Variants in ANK3 observed in about 807,000 individuals in gnomAD.
ANK3 encodes ankyrin 3, also known as ankyrin-3.
Under a neutral mutation model 370.9 loss-of-function variants are expected in ANK3, and 57 were observed. The observed-to-expected ratio is 0.15, with a 90% CI of 0.12 to 0.19. The LOEUF is 0.19. Among genes scored for constraint, ANK3 ranks in the 10% least tolerant of loss-of-function variants. The pLI is 1.00. For missense variants in ANK3, 4,439 were observed against 5,302.1 expected (o/e 0.84, Z 5.06); for synonymous variants, 1,929 against 1,946.3 (o/e 0.99, Z 0.23).
chr10:60,699,907 A>AATGT (rs1464584633), intron 1 of ANK3, among the ~76,000 whole-genome samples: 1 of 152,198 alleles, frequency 6.6e-6, no homozygotes, highest in East Asian at 1.9e-4. Flanking sequence ...TCGTGATACA[A>AATGT]ATGTTAGATG....
chr10:60,492,152 A>G (rs1368312292), intron 2 of ANK3, among the ~76,000 whole-genome samples: 1 of 152,214 alleles, frequency 6.6e-6, no homozygotes, highest in African/African-American at 2.4e-5. Context: ...CTGGATGTGC[A>G]GTAGGCTATA....
intron 8 of ANK3, among the ~76,000 whole-genome samples, chr10:60,216,598 C>A (rs2096941028): frequency 1.3e-5 from 2 of 152,166 alleles, no homozygotes; most frequent in African/African-American, 2.4e-5. Context: ...ACCAGCCTTG[C>A]ATCCCAGGGA....
At chr10:60,311,114 T>C (rs1052472026) in intron 1 of ANK3, among the ~76,000 whole-genome samples, 3 of 152,286 alleles carry the variant, frequency 2.0e-5, no homozygotes, top group African/African-American at 7.2e-5. Context: ...CTTCTGGTGG[T>C]GGTTGTTCAA....
At chr10:60,639,642 T>C (rs1056254949) in intron 1 of ANK3, among the ~76,000 whole-genome samples, 1 of 151,878 alleles carries the variant, frequency 6.6e-6, no homozygotes, top group African/African-American at 2.4e-5. Context: ...AATTTGAATA[T>C]ATAATGATAT....
At chr10:60,719,061 A>G (rs940983096) in intron 1 of ANK3, among the ~76,000 whole-genome samples, 2 of 152,140 alleles carry the variant, frequency 1.3e-5, no homozygotes, top group African/African-American at 4.8e-5. Flanking sequence ...AACGGCCTCA[A>G]TTCAGACAAA....
chr10:60,331,663 C>T (rs2051357148), intron 1 of ANK3, among the ~76,000 whole-genome samples: 1 of 151,926 alleles, frequency 6.6e-6, no homozygotes, highest in Admixed American at 6.6e-5. Context: ...CCTTCCTGCC[C>T]ATCCTTCTTT....
Position 60,261,898 on chromosome 10 carries a change from C to T in ANK3, c.759G>A (p.Leu253=). The change falls in exon 7 of 44, where the codon TTG becomes TTA. Residue 253 remains leucine, a synonymous_variant. Coordinates refer to ENST00000280772, the MANE Select transcript of ANK3 (RefSeq NM_020987.5). ...CCACAGCAGCCGCTCGGTTTAACAG[C>T]AACGTGGCTACATTGATATTTCCAT... ...AHYGNINVAT[L]LLNRAAAVDF... 6.2e-7 allele frequency: 1 copy of T among 1,614,106 alleles called. No homozygotes were observed. Among genetic ancestry groups the T allele is most frequent in the Non-Finnish European group, 8.5e-7 (1 of 1,179,970 alleles).
rs1595086418 is a variant in ANK3 at position 60,467,186 on chromosome 10, T to G, written c.96+148000A>C. Among the ~76,000 whole-genome samples the G allele has an allele frequency of 2.6e-5, 4 of 152,304 alleles. 1 individual carries two copies. The highest frequency in any genetic ancestry group is 2.6e-4 in the Admixed American group (4 of 15,288). On this transcript the variant is annotated intron_variant, in intron 2 of 43. Coordinates refer to the ANK3 transcript ENST00000373827. ...TTTATTGGCTGACTCAAAATGCAATTACTTGGCAATTTAATACATTATCAG... is the reference window on the plus strand; with the variant it reads ...TTTATTGGCTGACTCAAAATGCAATGACTTGGCAATTTAATACATTATCAG...
At chr10:60,272,073 T>G (rs957729631) in intron 4 of ANK3, among the ~76,000 whole-genome samples, 2 of 143,526 alleles carry the variant, frequency 1.4e-5, no homozygotes, top group African/African-American at 5.4e-5. Context: ...ATGGAGTACT[T>G]GGAACACTGT....
rs1007979740 is a variant in ANK3 at position 60,114,205 on chromosome 10, G to A, written c.2948+20C>T. Reference sequence around the variant, plus strand: ...TGTTCATGTAGTAGGATAATGAAAAGTGACATTTAGGTTACTTACCCAGAA... The same window carrying A: ...TGTTCATGTAGTAGGATAATGAAAAATGACATTTAGGTTACTTACCCAGAA... On this transcript the variant is annotated intron_variant, in intron 26 of 43. Transcript: ENST00000280772. The A allele has an allele frequency of 9.7e-6, 14 of 1,440,942 alleles. No individual in the cohort carries two copies. Among genetic ancestry groups the A allele is most frequent in the Non-Finnish European group, 1.4e-5 (14 of 1,036,934 alleles). The allele number at this position is 1,440,942 out of a possible 1,614,324, so 89.3% of individuals were successfully genotyped here.
intron 1 of ANK3, among the ~76,000 whole-genome samples, chr10:60,647,426 G>C (rs941051008): frequency 2.0e-5 from 3 of 152,134 alleles, no homozygotes; most frequent in African/African-American, 7.2e-5. Flanking sequence ...GCTATTGCTT[G>C]AATTTTCTTT....
At chr10:60,338,445 T>C (rs1292141264) in intron 1 of ANK3, among the ~76,000 whole-genome samples, 1 of 152,198 alleles carries the variant, frequency 6.6e-6, no homozygotes, top group Non-Finnish European at 1.5e-5. Flanking sequence ...CTGATGCTGC[T>C]GGCCTAGGAG....
intron 25 of ANK3, among the ~76,000 whole-genome samples, chr10:60,118,581 T>C (rs1195757551): frequency 7.2e-5 from 11 of 152,174 alleles, no homozygotes; most frequent in Admixed American, 7.2e-4. Flanking sequence ...CAACTTATAC[T>C]GACTTTTGGA....
At chr10:60,659,011 C>A (rs1007250659) in intron 1 of ANK3, among the ~76,000 whole-genome samples, 1 of 151,816 alleles carries the variant, frequency 6.6e-6, no homozygotes, top group Non-Finnish European at 1.5e-5. Context: ...ACAAATACTA[C>A]TAAATAGTTC....
chr10:60,174,877 G>T (rs529290736), intron 18 of ANK3, among the ~76,000 whole-genome samples: 72 of 152,014 alleles, frequency 4.7e-4, no homozygotes, highest in African/African-American at 1.2e-3. Flanking sequence ...GCACCACCAC[G>T]CCTGGCTAAT....
chr10:60,279,072 G>A lies in ANK3; in HGVS notation c.293C>T (p.Ala98Val). ...EVVSELLQRE[A>V]NVDAATKKGN... ...GACCTTTGTAGCTGCATCCACATTG[G>A]CTTCTCTCTGCAGCAGCTCAGAAAC... The change falls in exon 3 of 44, where the codon GCC becomes GTC. Residue 98 changes from alanine (A) to valine (V), a missense_variant. Ala to Val is a moderately conservative substitution (Grantham distance 64, BLOSUM62 0). Transcript: ENST00000280772. 1.2e-6 allele frequency: 2 copies of A among 1,613,870 alleles called. No homozygotes were observed.
intron 2 of ANK3, among the ~76,000 whole-genome samples, chr10:60,605,991 G>A (rs554864620): frequency 1.1e-4 from 17 of 152,136 alleles, no homozygotes; most frequent in South Asian, 6.2e-4. Context: ...ATTATCAGTC[G>A]AAAGTGGCAA....
intron 2 of ANK3, among the ~76,000 whole-genome samples, chr10:60,563,978 TA>T (rs1232765688): frequency 6.6e-6 from 1 of 152,202 alleles, no homozygotes; most frequent in African/African-American, 2.4e-5. Context: ...AAGAAAGTTC[TA>T]AGTGCACAAT....
chr10:60,680,351 G>C (rs2079179454), intron 1 of ANK3, among the ~76,000 whole-genome samples: 1 of 152,262 alleles, frequency 6.6e-6, no homozygotes, highest in Admixed American at 6.5e-5. Flanking sequence ...ATGCAGTGAG[G>C]GCCAGCATGG....
Sources: gnomAD v4.1 joint callset for allele counts (sites outside exome capture counted in the v4.1 genomes callset) on GRCh38, gnomAD v4.1.1 for gene constraint, MANE v1.5 for transcripts, NCBI Gene and HGNC (gene_info 2026-07-23, HGNC 2026-07-21) for gene names.